COA1: variants seen among roughly 807,000 people sequenced by gnomAD.
COA1 encodes the protein cytochrome c oxidase assembly factor 1.
COA1 carries 13 observed loss-of-function variants against 16.0 expected under a neutral mutation model. The ratio of observed to expected loss-of-function variants is 0.81; its 90% confidence interval spans 0.53 to 1.29. COA1 has a LOEUF of 1.29. Among genes scored for constraint, COA1 ranks in the 50% most tolerant of loss-of-function variants. The probability of loss-of-function intolerance (pLI) is 0.00; values close to 1 mark genes in which losing one functional copy is unlikely to be tolerated. For synonymous variants in COA1, 65 were observed against 65.7 expected (o/e 0.99, Z 0.05); for missense variants, 179 against 177.0 (o/e 1.01, Z -0.06).
At chr7:43,728,078 C>A (rs952106646) in intron 1 of COA1, among the ~76,000 whole-genome samples, 1 of 151,932 alleles carries the variant, frequency 6.6e-6, no homozygotes, top group Non-Finnish European at 1.5e-5. Flanking sequence ...GGGTTCACAC[C>A]ATCCTCCTGC....
chr7:43,668,949 T>C (rs940748033), intron 1 of COA1, among the ~76,000 whole-genome samples: 1 of 152,178 alleles, frequency 6.6e-6, no homozygotes, highest in Non-Finnish European at 1.5e-5. Flanking sequence ...AGAACTTATG[T>C]CTTGTATTAA....
At chr7:43,663,361 A>G (rs2092619361) in intron 1 of COA1, among the ~76,000 whole-genome samples, 1 of 152,194 alleles carries the variant, frequency 6.6e-6, no homozygotes, top group South Asian at 2.1e-4. Flanking sequence ...ATAGCAAAAT[A>G]AAAACAGCCT....
At chr7:43,631,832 T>C (rs2085201606) in intron 6 of COA1, 1 of 152,214 alleles carries the variant, frequency 6.6e-6, no homozygotes, top group Admixed American at 6.5e-5. Flanking sequence ...TTTTTGCCTT[T>C]CCACTGCATA....
At chr7:43,651,453 T>C (rs1301358482) in intron 1 of COA1, among the ~76,000 whole-genome samples, 62 of 152,116 alleles carry the variant, frequency 4.1e-4, no homozygotes. Flanking sequence ...TACTAAACCC[T>C]TTCTAGAGTC....
intron 1 of COA1, among the ~76,000 whole-genome samples, chr7:43,670,333 G>A (rs985749729): frequency 6.6e-6 from 1 of 151,984 alleles, no homozygotes; most frequent in Non-Finnish European, 1.5e-5. Flanking sequence ...GGTACCTGTA[G>A]TCCCAGCTAT....
chr7:43,622,715 T>TG (rs2084041126), intron 6 of COA1: 3 of 150,066 alleles, frequency 2.0e-5, no homozygotes, highest in Admixed American at 2.0e-4. Context: ...GTTTTTTTTT[T>TG]TGTGAGACAC....
intron 1 of COA1, among the ~76,000 whole-genome samples, chr7:43,662,311 C>T (rs1473611042): frequency 2.0e-5 from 3 of 152,210 alleles, no homozygotes; most frequent in African/African-American, 7.2e-5. Context: ...CTCACTGCAA[C>T]CTCCGCCTCC....
At chr7:43,655,645 T>C (rs2091602792) in intron 1 of COA1, among the ~76,000 whole-genome samples, 1 of 152,074 alleles carries the variant, frequency 6.6e-6, no homozygotes, top group African/African-American at 2.4e-5. Context: ...CTTTGAGACA[T>C]TTTCCATCTC....
At chr7:43,651,689 T>TAA (rs539990413) in intron 1 of COA1, among the ~76,000 whole-genome samples, 4,319 of 106,950 alleles carry the variant, frequency 0.04, 164 homozygotes, top group African/African-American at 0.096. Context: ...AGGAAGAGCT[T>TAA]AAAAAAAAAA....
At chr7:43,674,513 A>G (rs2093423030) in intron 1 of COA1, among the ~76,000 whole-genome samples, 1 of 152,250 alleles carries the variant, frequency 6.6e-6, no homozygotes, top group Non-Finnish European at 1.5e-5. Context: ...TATAATTTTG[A>G]GGAAGAGTTG....
intron 4 of COA1, among the ~76,000 whole-genome samples, chr7:43,643,832 A>T (rs1479604288): frequency 6.6e-6 from 1 of 152,266 alleles, no homozygotes; most frequent in Non-Finnish European, 1.5e-5. Context: ...TATTTTAATC[A>T]GAATACCAGA....
At chr7:43,719,645 T>C (rs531751284) in intron 1 of COA1, among the ~76,000 whole-genome samples, 3 of 152,334 alleles carry the variant, frequency 2.0e-5, no homozygotes, top group African/African-American at 7.2e-5. Flanking sequence ...CATTTATCCC[T>C]AGATTCAGTC....
chr7:43,710,736 T>C (rs934872375), intron 1 of COA1, among the ~76,000 whole-genome samples: 9 of 152,190 alleles, frequency 5.9e-5, no homozygotes, highest in Admixed American at 2.0e-4. Flanking sequence ...TAGGTAAACT[T>C]GTCCAAAGTG....
intron 6 of COA1, among the ~76,000 whole-genome samples, chr7:43,618,453 G>A (rs62461078): frequency 0.18 from 27,303 of 152,066 alleles, 2,795 homozygotes; most frequent in East Asian, 0.31. Context: ...CTTTGGAGCC[G>A]TGACAGATTA....
At position 43,692,503 on chromosome 7, in the gene COA1, G is replaced by C. The variant is rs115186597; in HGVS notation, c.-39+36926C>G. On this transcript the variant is annotated intron_variant, in intron 1 of 5. Transcript: ENST00000223336. The stretch of plus-strand genomic sequence containing the variant: ...ACTGCACTACAGCCTAGGCAACACA[G>C]CAAGACCCTGTCTTAAAAAACAAAA... 4.2e-3 allele frequency among the ~76,000 whole-genome samples: 635 copies of C among 151,888 alleles called. 8 individuals are homozygous for C. Among genetic ancestry groups the C allele is most frequent in the African/African-American group, 0.015 (614 of 41,382 alleles).
downstream of COA1, among the ~76,000 whole-genome samples, chr7:43,634,650 G>A (rs2085562814): frequency 6.6e-6 from 1 of 152,198 alleles, no homozygotes; most frequent in South Asian, 2.1e-4. Context: ...ATTACAACAG[G>A]CAAAGAAGGT....
Position 43,664,130 on chromosome 7 carries a change from A to AGAGAGAGAGAGAGAGAGAGAGAGT in COA1, c.-38-15479_-38-15478insACTCTCTCTCTCTCTCTCTCTCTC, listed in dbSNP as rs1307866265. 2.5e-3 allele frequency among the ~76,000 whole-genome samples: 370 copies of AGAGAGAGAGAGAGAGAGAGAGAGT among 148,558 alleles called. 2 individuals carry two copies. Among genetic ancestry groups the AGAGAGAGAGAGAGAGAGAGAGAGT allele is most frequent in the African/African-American group, 8.6e-3 (350 of 40,632 alleles). ...GAGAGAGAGAGAGAGAGAGAGAGAGAGTCTTGCTATATTGCCCAGGCTGGA... is the reference window on the plus strand; with the variant it reads ...GAGAGAGAGAGAGAGAGAGAGAGAGAGAGAGAGAGAGAGAGAGAGAGAGTGTCTTGCTATATTGCCCAGGCTGGA... On this transcript the variant is annotated intron_variant, in intron 1 of 5. Transcript: ENST00000223336.
At chr7:43,691,417 AAGAAAAAGAAAGAAAG>A (rs2094342942) in intron 1 of COA1, among the ~76,000 whole-genome samples, 7 of 103,080 alleles carry the variant, frequency 6.8e-5, no homozygotes, top group South Asian at 6.6e-4. Flanking sequence ...GGAAGGAAGA[AAGAAAAAGAAAGAAAG>A]AAAGAAAGAA....
chr7:43,617,003 C>T (rs746602564), intron 6 of COA1, among the ~76,000 whole-genome samples: 1 of 152,192 alleles, frequency 6.6e-6, no homozygotes, highest in Non-Finnish European at 1.5e-5. Flanking sequence ...GGCCTTCTCA[C>T]CAAGTTGAGA....
Sources: allele counts gnomAD v4.1 joint callset (sites outside exome capture counted in the v4.1 genomes callset), GRCh38; gene constraint gnomAD v4.1.1; transcripts MANE v1.5; gene names NCBI Gene and HGNC (gene_info 2026-07-23, HGNC 2026-07-21).